Variants in HERC1 observed in about 807,000 individuals in gnomAD.
HERC1 encodes the protein probable E3 ubiquitin-protein ligase HERC1.
In HERC1, 160 loss-of-function variants were observed where a neutral mutation model predicts 554.3. The observed-to-expected ratio is 0.29, with a 90% confidence interval of 0.25 to 0.33. The LOEUF is 0.33. HERC1 is among the 10% of genes least tolerant of loss of function. The pLI is 1.00. For missense variants in HERC1, 4,919 were observed against 5,918.5 expected (o/e 0.83, Z 5.54); for synonymous variants, 2,175 against 2,131.7 (o/e 1.02, Z -0.56).
Position 63,793,763 on chromosome 15 carries a change from C to T in HERC1, c.-26-18114G>A, listed in dbSNP as rs574163669. Among the ~76,000 whole-genome samples, 8 of 152,034 alleles carry T rather than the reference C, an allele frequency of 5.3e-5. No homozygotes were observed. In the South Asian group the frequency reaches 1.0e-3, roughly 20 times the overall value. On this transcript the variant is annotated intron_variant, in intron 1 of 77. Coordinates refer to ENST00000443617, the MANE Select transcript of HERC1 (RefSeq NM_003922.4). Reference sequence around the variant, plus strand: ...TAGGGACCCCTTTCCAGTACAGAACCTCTATGGGTTCAGCTATCTGGAAGT... The same window carrying T: ...TAGGGACCCCTTTCCAGTACAGAACTTCTATGGGTTCAGCTATCTGGAAGT...
intron 54 of HERC1, 28 bp from the exon 55 acceptor site, chr15:63,648,227 G>A (rs183077224): frequency 1.6e-4 from 249 of 1,575,574 alleles, no homozygotes; most frequent in Non-Finnish European, 2.0e-4. Flanking sequence ...AAAGAGTAAG[G>A]AAAAGATAAT....
chr15:63,701,032 GT>G (rs1364876727), intron 25 of HERC1, among the ~76,000 whole-genome samples: 1 of 150,202 alleles, frequency 6.7e-6, no homozygotes, highest in African/African-American at 2.4e-5. Flanking sequence ...TTGGGGGGGT[GT>G]TTTTTTTTAA....
chr15:63,609,698 G>A, intron 77 of HERC1, among the ~76,000 whole-genome samples: 1 of 152,118 alleles, frequency 6.6e-6, no homozygotes, highest in East Asian at 1.9e-4. Context: ...GTGAGGTGCA[G>A]CTGGCCATGG....
At chr15:63,816,241 T>C (rs1451331041) in intron 1 of HERC1, among the ~76,000 whole-genome samples, 2 of 152,262 alleles carry the variant, frequency 1.3e-5, no homozygotes, top group African/African-American at 4.8e-5. Flanking sequence ...TTTTACATGT[T>C]AATATGTACT....
At chr15:63,743,271 T>TC (rs561302881) in intron 12 of HERC1, among the ~76,000 whole-genome samples, 244 of 145,716 alleles carry the variant, frequency 1.7e-3, no homozygotes, top group African/African-American at 5.9e-3. Flanking sequence ...TTCTTTTTTT[T>TC]TTTTTTTTTT....
At chr15:63,714,199 G>GA (rs913670986) in intron 22 of HERC1, among the ~76,000 whole-genome samples, 59 of 142,836 alleles carry the variant, frequency 4.1e-4, no homozygotes, top group South Asian at 8.9e-4. Flanking sequence ...GGTTTCAAAA[G>GA]AAAAAAAAAA....
intron 5 of HERC1, 72 bp from the exon 6 acceptor site, chr15:63,755,397 A>T (rs1227323751): frequency 1.8e-6 from 2 of 1,135,218 alleles, no homozygotes; most frequent in Non-Finnish European, 2.6e-6. Flanking sequence ...GATCCTATAC[A>T]CAGAGACTTC....
intron 77 of HERC1, among the ~76,000 whole-genome samples, chr15:63,611,197 G>A (rs1189078852): frequency 6.6e-6 from 1 of 152,226 alleles, no homozygotes; most frequent in Non-Finnish European, 1.5e-5. Flanking sequence ...AGCCCATTAT[G>A]ACCAGAACAT....
intron 26 of HERC1, among the ~76,000 whole-genome samples, chr15:63,697,451 T>C (rs2072482982): frequency 5.4e-5 from 1 of 18,432 alleles, no homozygotes; most frequent in African/African-American, 2.2e-4. Context: ...TTAATCTTGA[T>C]TTTTTTTTTT....
intron 68 of HERC1, among the ~76,000 whole-genome samples, chr15:63,631,285 T>C (rs2068544469): frequency 6.6e-6 from 1 of 152,226 alleles, no homozygotes. Flanking sequence ...GCTAGGTCCA[T>C]TTGGCTTGCC....
intron 22 of HERC1, 77 bp downstream of exon 22, chr15:63,716,225 C>CTTTTT: frequency 7.4e-7 from 1 of 1,355,204 alleles, no homozygotes. Flanking sequence ...GAAACTTTGC[C>CTTTTT]TTTCTCTTTC....
At chr15:63,637,482 CT>C (rs1331804777) in intron 64 of HERC1, 22 bp downstream of exon 64, 3 of 1,558,166 alleles carry the variant, frequency 1.9e-6, no homozygotes, top group African/African-American at 2.7e-5. Flanking sequence ...TTCTAACCAT[CT>C]TTTTATTAAG....
chr15:63,722,155 T>G (rs1163538375), intron 19 of HERC1, among the ~76,000 whole-genome samples: 2 of 152,222 alleles, frequency 1.3e-5, no homozygotes, highest in Non-Finnish European at 2.9e-5. Context: ...CGTGAGCCAC[T>G]GTGCCCAGCC....
At chr15:63,624,514 T>C (rs1047976249) in intron 71 of HERC1, among the ~76,000 whole-genome samples, 187 bp from the exon 72 acceptor site, 3 of 152,120 alleles carry the variant, frequency 2.0e-5, no homozygotes, top group Non-Finnish European at 4.4e-5. Context: ...CTGGGTAACA[T>C]GGCAAAACCC....
In HERC1 at chr15:63,692,689, A is replaced by G. The variant is rs2072175295; in HGVS notation, c.5675-123T>C. ...AATGCAAAATCTTAGGCTGTCAGCTACTGAATTCTGAAAACTTAAAGAACA... is the reference window on the plus strand; with the variant it reads ...AATGCAAAATCTTAGGCTGTCAGCTGCTGAATTCTGAAAACTTAAAGAACA... On this transcript the variant is annotated intron_variant, in intron 30 of 77. Transcript: ENST00000443617. This position sits in a 1 kb window ranked among gnomAD's most constrained non-coding sequence, Gnocchi z 4.7. 2 of 846,360 alleles carry G rather than the reference A, an allele frequency of 2.4e-6. No individual in the cohort carries two copies. The highest frequency in any genetic ancestry group is 3.5e-6 in the Non-Finnish European group (2 of 572,100). 52.4% of individuals were successfully genotyped at this position (846,360 alleles called of 1,614,324 possible). A position where few individuals can be genotyped will look rare whatever the true frequency, so the allele number is the denominator to read the frequency against.
chr15:63,672,768 T>A, intron 38 of HERC1, 74 bp from the exon 39 acceptor site: 1 of 931,994 alleles, frequency 1.1e-6, no homozygotes, highest in Non-Finnish European at 1.6e-6. Flanking sequence ...AATAAAAAAC[T>A]TCTACCTGTT....
At chr15:63,683,715 C>G (rs1226616921) in intron 34 of HERC1, among the ~76,000 whole-genome samples, 2 of 152,174 alleles carry the variant, frequency 1.3e-5, no homozygotes, top group South Asian at 2.1e-4. Context: ...GTAGTGTAAA[C>G]AGAGCTCACT....
Position 63,640,315 on chromosome 15 carries a change from A to G in HERC1, c.11738T>C (p.Leu3913Pro). The change falls in exon 61 of 78, where the codon CTC becomes CCC. Residue 3913 changes from leucine to proline, a missense_variant. Physicochemically the swap from Leu to Pro is moderately conservative, Grantham distance 98 (BLOSUM62 -3). Around this residue, in one of 11 missense-constraint regions of HERC1, gnomAD observed 1,963 missense variants for 2,228.6 expected, o/e 0.88. Transcript: ENST00000443617. Reference protein sequence around the residue: ...PPVPPHHQNCLPDPASWNPNE... With the variant: ...PPVPPHHQNCPPDPASWNPNE... ...TGGATTCCAGGATGCAGGGTCAGGG[A>G]GACAGTTCTGGTGGTGTGGTGGCAC... 6.2e-7 allele frequency: 1 copy of G among 1,613,928 alleles called. No individual in the cohort carries two copies. Among genetic ancestry groups the G allele is most frequent in the Non-Finnish European group, 8.5e-7 (1 of 1,179,826 alleles).
intron 1 of HERC1, among the ~76,000 whole-genome samples, chr15:63,831,596 G>GA (rs2078156929): frequency 6.6e-6 from 1 of 152,022 alleles, no homozygotes; most frequent in Admixed American, 6.5e-5. Context: ...CTGAAAATCT[G>GA]AATTTTAAAA....
Sources: allele counts gnomAD v4.1 joint callset (sites outside exome capture counted in the v4.1 genomes callset), GRCh38; gene constraint gnomAD v4.1.1; regional missense constraint gnomAD v4.1.1; non-coding constraint Gnocchi (gnomAD v3.1); transcripts MANE v1.5; gene names NCBI Gene and HGNC (gene_info 2026-07-23, HGNC 2026-07-21).